The following BAG6 variants were observed in gnomAD, a reference collection of about 807,000 sequenced individuals.
BAG6 encodes large proline-rich protein BAG6.
A neutral mutation model predicts 121.0 loss-of-function variants in BAG6; 22 were observed. The observed-to-expected ratio is 0.18, with a 90% confidence interval of 0.13 to 0.26. The LOEUF (loss-of-function observed/expected upper bound fraction) is 0.26. BAG6 is among the 10% of genes least tolerant of loss of function. The probability of loss-of-function intolerance (pLI) is 1.00; values close to 1 mark genes in which losing one functional copy is unlikely to be tolerated. For missense variants in BAG6, 1,233 were observed against 1,537.7 expected (o/e 0.80, Z 3.31); for synonymous variants, 583 against 584.6 (o/e 1.00, Z 0.04).
At chr6:31,643,184 G>C in intron 14 of BAG6, 69 bp from the exon 15 acceptor site, 1 of 1,478,968 alleles carries the variant, frequency 6.8e-7, no homozygotes, top group Admixed American at 2.6e-5. Flanking sequence ...TAGCAACTTT[G>C]GGAGGCCAAG....
At position 31,639,112 on chromosome 6, in the gene BAG6, A is replaced by AG. The variant is rs760571581; in HGVS notation, c.*18dup. ...GGGGGAAACGGTCCCCTGATGAGGA[A>AG]GGGCCATAGAGCAAAGAGCTAAGGA... On this transcript the variant is annotated 3_prime_UTR_variant, in exon 26 of 26. Coordinates refer to ENST00000676615, the MANE Select transcript of BAG6 (RefSeq NM_001387994.1). 2 of 1,587,864 alleles carry AG rather than the reference A, an allele frequency of 1.3e-6. No individual in the cohort carries two copies. The highest frequency in any genetic ancestry group is 2.8e-5 in the African/African-American group (2 of 72,588).
chr6:31,643,395 G>C (rs1201014449), intron 14 of BAG6, among the ~76,000 whole-genome samples: 1 of 151,270 alleles, frequency 6.6e-6, no homozygotes, highest in Non-Finnish European at 1.5e-5. Flanking sequence ...ACTCCAGTCT[G>C]GGTGACAGAG....
In BAG6 at chr6:31,645,028, C is replaced by G; in HGVS notation, c.1287G>C (p.Pro429=). Residue 429 remains proline, a synonymous_variant, in exon 10 of 26, where the codon CCG becomes CCC. Coordinates refer to ENST00000676615, the MANE Select transcript of BAG6 (RefSeq NM_001387994.1). ...EGAPPPGPAP[P]PATSHPRVIR... ...TGACCCTCGGGTGGCTGGTGGCTGG[C>G]GGGGGAGCTGGACCTGGCGGGGGAG... 1.2e-6 allele frequency: 2 copies of G among 1,611,798 alleles called. No individual in the cohort carries two copies. The highest frequency in any genetic ancestry group is 1.7e-6 in the Non-Finnish European group (2 of 1,179,404).
chr6:31,647,714 G>C lies in BAG6; in HGVS notation c.665C>G (p.Ala222Gly). The C allele has an allele frequency of 1.9e-6, 3 of 1,603,204 alleles. No individual in the cohort carries two copies. Among genetic ancestry groups the C allele is most frequent in the Non-Finnish European group, 2.6e-6 (3 of 1,176,320 alleles). ...TGCCTCCATGGGCTCCCGGGGAGGT[G>C]CTTCACTTTCAACTGGTTCTGATGT... ...SQTSEPVESE[A>G]PPREPMEAEE... is the part of the protein sequence containing the mutation. The change falls in exon 7 of 26, where the codon GCA becomes GGA. Residue 222 changes from alanine (A) to glycine (G), a missense_variant. Transcript: ENST00000676615.
chr6:31,641,725 G>A lies in BAG6; in HGVS notation c.2505+51C>T, dbSNP rs568542441. The A allele has an allele frequency of 1.2e-6, 2 of 1,611,740 alleles. No individual in the cohort carries two copies. The highest frequency in any genetic ancestry group is 3.3e-5 in the Admixed American group (2 of 59,866). On this transcript the variant is annotated intron_variant, in intron 17 of 25. Coordinates refer to ENST00000676615, the MANE Select transcript of BAG6 (RefSeq NM_001387994.1). The surrounding 1 kb of genome is among the most constrained non-coding windows in gnomAD (Gnocchi z 5.7). ...TGGCAGAGAAGCAGTCAGAAATAAG[G>A]AATAAAATGTGCAAAAGAGGAGAGT...
intron 7 of BAG6, among the ~76,000 whole-genome samples, chr6:31,647,240 G>A (rs1390947591): frequency 1.3e-5 from 2 of 152,136 alleles, no homozygotes; most frequent in African/African-American, 2.4e-5. Context: ...TGAGAGGATA[G>A]GGAGAAGAAA....
At chr6:31,651,965 C>T (rs1053646738) in intron 1 of BAG6, 189 bp from the exon 2 acceptor site, 2 of 533,374 alleles carry the variant, frequency 3.7e-6, no homozygotes, top group Admixed American at 5.9e-5. Flanking sequence ...AGGAGATCGA[C>T]GGCTTAGGGA....
rs772113513 is a variant in BAG6 at position 31,641,612 on chromosome 6, G to C, written c.2506-20C>G. On this transcript the variant is annotated intron_variant, in intron 17 of 25. Transcript: ENST00000676615. The surrounding 1 kb of genome is among the most constrained non-coding windows in gnomAD (Gnocchi z 5.7). ...TGCCATCTGTGGAGGAAACAGAACA[G>C]GTTTAGTTCAAAGCCTCAGTCCTCC... The C allele has an allele frequency of 9.9e-6, 16 of 1,614,022 alleles. No individual in the cohort carries two copies. In the Admixed American group the frequency reaches 2.5e-4, roughly 25 times the overall value.
chr6:31,639,877 G>A (rs1481190658), intron 24 of BAG6: 1 of 650,578 alleles, frequency 1.5e-6, no homozygotes, highest in East Asian at 2.8e-5. Flanking sequence ...AAAACGAAAG[G>A]CAGAAGGGGT....
Position 31,652,496 on chromosome 6 carries a change from A to C in BAG6, c.-86T>G, listed in dbSNP as rs1431735888. ...CGAAGCGATACTTCCGGCTCCCCCCAGGTCCCCAAGCTTTACTTTTGTGGG... is the reference window on the plus strand; with the variant it reads ...CGAAGCGATACTTCCGGCTCCCCCCCGGTCCCCAAGCTTTACTTTTGTGGG... On this transcript the variant is annotated 5_prime_UTR_variant, in exon 1 of 26. Transcript: ENST00000676615. 1.3e-5 allele frequency: 2 copies of C among 152,156 alleles called. No homozygotes were observed. Among genetic ancestry groups the C allele is most frequent in the Non-Finnish European group, 2.9e-5 (2 of 68,060 alleles). The allele number at this position is 152,156 out of a possible 1,614,324, so 9.4% of individuals were successfully genotyped here. A position where few individuals can be genotyped will look rare whatever the true frequency, so the allele number is the denominator to read the frequency against.
chr6:31,645,348 C>T, intron 9 of BAG6, 59 bp downstream of exon 9: 4 of 1,611,298 alleles, frequency 2.5e-6, no homozygotes, highest in Non-Finnish European at 3.4e-6. Context: ...CAGTAGCTAC[C>T]CTGGGTCACT....
At position 31,649,637 on chromosome 6, in the gene BAG6, A is replaced by C. The variant is rs779831199; in HGVS notation, c.109-10T>G. 6.2e-7 allele frequency: 1 copy of C among 1,605,114 alleles called. No homozygotes were observed. Among genetic ancestry groups the C allele is most frequent in the Admixed American group, 1.7e-5 (1 of 60,012 alleles). On this transcript the variant is annotated splice_polypyrimidine_tract_variant and intron_variant, in intron 2 of 25. Transcript: ENST00000676615. ...ACTCTTTTACATTCATCTGAAAAGA[A>C]GAGGCATGCACAGGAATGGAAAGAA...
Position 31,644,828 on chromosome 6 carries a change from TC to T in BAG6, c.1369+117del. 6.8e-7 allele frequency: 1 copy of T among 1,479,716 alleles called. No individual in the cohort carries two copies. Among genetic ancestry groups the T allele is most frequent in the Non-Finnish European group, 9.1e-7 (1 of 1,097,698 alleles). The allele number at this position is 1,479,716 out of a possible 1,614,324, so 91.7% of individuals were successfully genotyped here. On this transcript the variant is annotated intron_variant, in intron 10 of 25. Transcript: ENST00000676615. The surrounding 1 kb of genome is among the most constrained non-coding windows in gnomAD (Gnocchi z 4.9). Reference sequence around the variant, plus strand: ...CTGTCTACTTAAGCTTCTGCTCTGGTCCCCAGGCTACCACCACCAGCATGTG... The same window carrying T: ...CTGTCTACTTAAGCTTCTGCTCTGGTCCCAGGCTACCACCACCAGCATGTG...
In BAG6 at chr6:31,640,944, G is replaced by A. The variant is rs373004207; in HGVS notation, c.2788-6C>T. 7.6e-5 allele frequency: 123 copies of A among 1,611,402 alleles called. No individual in the cohort carries two copies. The African/African-American group carries it at 1.0e-3, about 13-fold the overall frequency. On this transcript the variant is annotated splice_region_variant and splice_polypyrimidine_tract_variant and intron_variant, in intron 20 of 25. Coordinates refer to ENST00000676615, the MANE Select transcript of BAG6 (RefSeq NM_001387994.1). The surrounding 1 kb of genome is among the most constrained non-coding windows in gnomAD (Gnocchi z 4.2). Reference sequence around the variant, plus strand: ...ACCCCACGAGACATACGACGCTGAGGGACAGAAAGCAGATTTAGAACACAA... The same window carrying A: ...ACCCCACGAGACATACGACGCTGAGAGACAGAAAGCAGATTTAGAACACAA...
chr6:31,643,611 C>G (rs1785194400), intron 14 of BAG6, among the ~76,000 whole-genome samples: 1 of 149,196 alleles, frequency 6.7e-6, no homozygotes, highest in African/African-American at 2.5e-5. Context: ...GTAGTCCCAG[C>G]TACTCAGGAG....
Position 31,644,057 on chromosome 6 carries a change from C to A in BAG6, c.1668+25G>T. Reference sequence around the variant, plus strand: ...GAGTCTCTCCCTAGACTGTTACGCACTAGAACTCCCCGACCCTTGCTCACC... The same window carrying A: ...GAGTCTCTCCCTAGACTGTTACGCAATAGAACTCCCCGACCCTTGCTCACC... On this transcript the variant is annotated intron_variant, in intron 13 of 25. Transcript: ENST00000676615. This position sits in a 1 kb window ranked among gnomAD's most constrained non-coding sequence, Gnocchi z 4.9. 6.2e-7 allele frequency: 1 copy of A among 1,612,854 alleles called. No individual in the cohort carries two copies. The highest frequency in any genetic ancestry group is 8.5e-7 in the Non-Finnish European group (1 of 1,179,210).
At chr6:31,652,157 C>T in intron 1 of BAG6, 1 of 188,960 alleles carries the variant, frequency 5.3e-6, no homozygotes, top group Non-Finnish European at 1.1e-5. Flanking sequence ...CCACACTCTG[C>T]GGAGAAAGTG....
intron 15 of BAG6, 42 bp downstream of exon 15, chr6:31,642,787 G>A (rs751306622): frequency 2.4e-5 from 38 of 1,598,524 alleles, no homozygotes; most frequent in South Asian, 1.6e-4. Context: ...TGGCTGGGCC[G>A]GGGGACAGGA....
rs1561914604 is a variant in BAG6, at chr6:31,644,446, TG to T, written c.1448-33del. 2.6e-6 allele frequency: 4 copies of T among 1,553,830 alleles called. No individual in the cohort carries two copies. The African/African-American group carries it at 5.4e-5, about 21-fold the overall frequency. ...GGCGGGTCTGATGTAACCTTGAACCTGGACCCCTTCAACCCACCCACTCAGC... is the reference window on the plus strand; with the variant it reads ...GGCGGGTCTGATGTAACCTTGAACCTGACCCCTTCAACCCACCCACTCAGC... On this transcript the variant is annotated intron_variant, in intron 11 of 25. Coordinates refer to ENST00000676615, the MANE Select transcript of BAG6 (RefSeq NM_001387994.1). This position sits in a 1 kb window ranked among gnomAD's most constrained non-coding sequence, Gnocchi z 4.9.
Sources: allele counts gnomAD v4.1 joint callset (sites outside exome capture counted in the v4.1 genomes callset), GRCh38; gene constraint gnomAD v4.1.1; non-coding constraint Gnocchi (gnomAD v3.1); transcripts MANE v1.5; gene names NCBI Gene and HGNC (gene_info 2026-07-23, HGNC 2026-07-21).